BPIFB6: variants seen among roughly 807,000 people sequenced by gnomAD.
BPIFB6 encodes the protein BPI fold containing family B member 6.
Under a neutral mutation model 54.7 loss-of-function variants are expected in BPIFB6, and 47 were observed. The observed-to-expected ratio is 0.86, with a 90% CI of 0.68 to 1.10. The LOEUF (loss-of-function observed/expected upper bound fraction) is 1.10, where lower values mean the gene tolerates loss of function less well. Ranked by LOEUF, BPIFB6 falls within the 50% of genes least tolerant of loss-of-function variation. The pLI is 0.00. For missense variants in BPIFB6, 603 were observed against 564.1 expected, an observed-to-expected ratio of 1.07 and a Z score of -0.70; for synonymous variants, 255 against 225.9, an observed-to-expected ratio of 1.13 and a Z score of -1.16.
In BPIFB6 at chr20:33,035,689, C is replaced by T. The variant is rs376718130; in HGVS notation, c.577+17C>T. ...ACCTCAGTGGTGAGTGTAGCCCTAC[C>T]CACACCTTGCCCCTACCTAGGGATA... On this transcript the variant is annotated intron_variant, in intron 6 of 14. Transcript: ENST00000349552. The T allele has an allele frequency of 1.5e-5, 24 of 1,610,378 alleles. No individual in the cohort carries two copies. In the African/African-American group the frequency reaches 2.8e-4, roughly 19 times the overall value.
In BPIFB6 at chr20:33,044,010, G is replaced by C. The variant is rs1463390546; in HGVS notation, c.1330-5G>C. The C allele has an allele frequency of 6.2e-7, 1 of 1,613,986 alleles. No individual in the cohort carries two copies. Among genetic ancestry groups the C allele is most frequent in the African/African-American group, 1.3e-5 (1 of 74,904 alleles). Reference sequence around the variant, plus strand: ...TTGCTCTCCTACCCCTTTGCCTTTTGCCAGAATGCCCTGATGCTGGACTTG... The same window carrying C: ...TTGCTCTCCTACCCCTTTGCCTTTTCCCAGAATGCCCTGATGCTGGACTTG... On this transcript the variant is annotated splice_polypyrimidine_tract_variant and splice_region_variant and intron_variant, in intron 14 of 14. Coordinates refer to ENST00000349552, the MANE Select transcript of BPIFB6 (RefSeq NM_174897.2).
chr20:33,038,155 T>A lies in BPIFB6; in HGVS notation c.846+417T>A, dbSNP rs564420436. Among the ~76,000 whole-genome samples, 18 of 152,280 alleles carry A rather than the reference T, an allele frequency of 1.2e-4. No homozygotes were observed. The East Asian group carries it at 3.5e-3, about 29-fold the overall frequency. On this transcript the variant is annotated intron_variant, in intron 8 of 14. Transcript: ENST00000349552. ...TACTACAAAGTCTGATACTGTTGAATGAATGAATGTATGCACCTGCCATGT... is the reference window on the plus strand; with the variant it reads ...TACTACAAAGTCTGATACTGTTGAAAGAATGAATGTATGCACCTGCCATGT...
chr20:33,037,817 A>T, intron 8 of BPIFB6, 79 bp downstream of exon 8: 1 of 1,516,940 alleles, frequency 6.6e-7, no homozygotes, highest in South Asian at 1.2e-5. Context: ...TATCATGAAA[A>T]TTATCCTGGC....
At chr20:33,042,966 CACTGGGCCCAG>C in intron 13 of BPIFB6, 88 bp downstream of exon 13, 2 of 1,224,414 alleles carry the variant, frequency 1.6e-6, no homozygotes, top group Non-Finnish European at 2.4e-6. Context: ...AAAGCCCTAT[CACTGGGCCCAG>C]ATGGGGGAAG....
intron 12 of BPIFB6, 65 bp downstream of exon 12, chr20:33,042,080 A>C: frequency 2.0e-6 from 3 of 1,510,838 alleles, no homozygotes; most frequent in Non-Finnish European, 2.8e-6. Context: ...TCTCCCTCGG[A>C]ACTACAGGGC....
At chr20:33,041,142 A>C (rs1979568405) in intron 11 of BPIFB6, among the ~76,000 whole-genome samples, 1 of 151,994 alleles carries the variant, frequency 6.6e-6, no homozygotes, top group Non-Finnish European at 1.5e-5. Context: ...GGCGCCCGCC[A>C]CCACGCCTGG....
intron 9 of BPIFB6, 36 bp downstream of exon 9, chr20:33,038,998 G>A: frequency 6.2e-7 from 1 of 1,607,830 alleles, no homozygotes; most frequent in Non-Finnish European, 8.5e-7. Flanking sequence ...ACTGCACCCT[G>A]TCCTGCCCTA....
intron 2 of BPIFB6, chr20:33,033,410 A>G (rs1482711674): frequency 2.1e-6 from 1 of 469,030 alleles, no homozygotes; most frequent in Non-Finnish European, 4.3e-6. Flanking sequence ...AACATCCTCA[A>G]ATGGTAGAGC....
At position 33,042,001 on chromosome 20, in the gene BPIFB6, A is replaced by AT. The variant is rs1314079374; in HGVS notation, c.1176dup (p.Gly393TrpfsTer5). ...GAGCTTGTCCCGGAAGTCCTCATCG[A>AT]TTGGCAACTTCAATGTAAGTGTCCC... On this transcript the variant is annotated frameshift_variant, in exon 12 of 15. Transcript: ENST00000349552. LOFTEE classifies it high-confidence loss of function. 1.2e-6 allele frequency: 2 copies of AT among 1,614,036 alleles called. No homozygotes were observed. Among genetic ancestry groups the AT allele is most frequent in the Non-Finnish European group, 1.7e-6 (2 of 1,179,954 alleles).
rs776532324 is a variant in BPIFB6, at chr20:33,040,258, A to G, written c.1082A>G (p.Asn361Ser). The change falls in exon 11 of 15, where the codon AAT (asparagine) becomes AGT (serine). Residue 361 changes from asparagine (N) to serine (S), a missense_variant. Physicochemically the swap from Asn to Ser is conservative, Grantham distance 46. Transcript: ENST00000349552. ...TCCTCCCCACCATGCCAGCACTTCA[A>G]TCTGAAGGTCCAGTACTCAGTGCAT... ...MSLFLLEVHF[N>S]LKVQYSVHEN... 7.4e-6 allele frequency: 12 copies of G among 1,614,098 alleles called. No individual in the cohort carries two copies. Among genetic ancestry groups the G allele is most frequent in the Non-Finnish European group, 1.0e-5 (12 of 1,179,996 alleles).
At chr20:33,042,045 G>A (rs201838034) in intron 12 of BPIFB6, 30 bp downstream of exon 12, 97 of 1,605,134 alleles carry the variant, frequency 6.0e-5, no homozygotes, top group East Asian at 2.2e-4. Flanking sequence ...TTGCCTGTCC[G>A]GCGTGAGGAC....
chr20:33,032,238 C>G (rs1157511490), intron 1 of BPIFB6, among the ~76,000 whole-genome samples: 1 of 152,180 alleles, frequency 6.6e-6, no homozygotes, highest in African/African-American at 2.4e-5. Context: ...CCACCTCCAT[C>G]CCCCACTCCA....
rs374096944 is a variant in BPIFB6, at chr20:33,041,959, C to T, written c.1143-11C>T. On this transcript the variant is annotated splice_polypyrimidine_tract_variant and intron_variant, in intron 11 of 14. Coordinates refer to ENST00000349552, the MANE Select transcript of BPIFB6 (RefSeq NM_174897.2). Reference sequence around the variant, plus strand: ...CCTCCCCGCCTGGCTTGCTTCCCCACTCCCCCACAGATTACTGAGCTTGTC... The same window carrying T: ...CCTCCCCGCCTGGCTTGCTTCCCCATTCCCCCACAGATTACTGAGCTTGTC... The T allele has an allele frequency of 5.6e-5, 90 of 1,613,914 alleles. 1 individual carries two copies. In the South Asian group the frequency reaches 6.7e-4, roughly 12 times the overall value.
chr20:33,035,066 C>T lies in BPIFB6; in HGVS notation c.453-15C>T. On this transcript the variant is annotated splice_polypyrimidine_tract_variant and intron_variant, in intron 4 of 14. Transcript: ENST00000349552. The stretch of plus-strand genomic sequence containing the variant: ...TGCACCTGCCCACCTATCCTCGGTG[C>T]CTGTGTCCATCTAGCATGCTCCCCA... 1 of 1,613,826 alleles carries T rather than the reference C, an allele frequency of 6.2e-7. No individual in the cohort carries two copies. Among genetic ancestry groups the T allele is most frequent in the Non-Finnish European group, 8.5e-7 (1 of 1,179,946 alleles).
Position 33,034,186 on chromosome 20 carries a change from T to G in BPIFB6, c.198T>G (p.Asn66Lys). 6.2e-7 allele frequency: 1 copy of G among 1,613,006 alleles called. No individual in the cohort carries two copies. The highest frequency in any genetic ancestry group is 2.2e-5 in the East Asian group (1 of 44,872). ...GGTGTGGCTGCCTGTCCCTTCCCAG[T>G]TTGAAGGTGAAGGATGTCCAGCTGC... ...PGMKPIKGIT[N>K]LKVKDVQLPV... Residue 66 changes from asparagine (N) to lysine (K), a missense_variant and splice_region_variant, in exon 3 of 15, where the codon AAT becomes AAG. By Grantham distance (94) the Asn-to-Lys change is moderately conservative. Coordinates refer to ENST00000349552, the MANE Select transcript of BPIFB6 (RefSeq NM_174897.2).
At position 33,042,851 on chromosome 20, in the gene BPIFB6, G is replaced by A. The variant is rs779003259; in HGVS notation, c.1225G>A (p.Glu409Lys). 2.0e-5 allele frequency: 32 copies of A among 1,613,998 alleles called. No individual in the cohort carries two copies. Among genetic ancestry groups the A allele is most frequent in the African/African-American group, 5.3e-5 (4 of 74,916 alleles). Reference protein sequence around the residue: ...ELTGFITSYLEEAYIPVVNDV... With the variant: ...ELTGFITSYLKEAYIPVVNDV... ...AACTGGCTTCATCACCAGCTATCTC[G>A]AAGAAGCCTACATCCCAGTTGTCAA... The change falls in exon 13 of 15, where the codon GAA (glutamate) becomes AAA (lysine). Residue 409 changes from glutamate (E) to lysine (K), a missense_variant. Glu to Lys is a moderately conservative substitution (Grantham distance 56, BLOSUM62 1). Transcript: ENST00000349552.
At position 33,040,246 on chromosome 20, in the gene BPIFB6, G is replaced by A. The variant is rs376774295; in HGVS notation, c.1075-5G>A. 1.4e-5 allele frequency: 23 copies of A among 1,613,830 alleles called. No individual in the cohort carries two copies. In the African/African-American group the frequency reaches 2.0e-4, roughly 14 times the overall value. On this transcript the variant is annotated splice_polypyrimidine_tract_variant and splice_region_variant and intron_variant, in intron 10 of 14. Transcript: ENST00000349552. The stretch of plus-strand genomic sequence containing the variant: ...CTTCTCCCTGCTTCCTCCCCACCAT[G>A]CCAGCACTTCAATCTGAAGGTCCAG...
In BPIFB6 at chr20:33,033,706, C is replaced by G. The variant is rs1352946241; in HGVS notation, c.198-480C>G. ...CTCCAAGAAGACATTTGGCAATGTC[C>G]AGGGACATTTTTCATTGTCACAAGT... On this transcript the variant is annotated intron_variant, in intron 2 of 14. Transcript: ENST00000349552. The G allele has an allele frequency of 4.4e-6, 2 of 450,244 alleles. 1 individual carries two copies. Among genetic ancestry groups the G allele is most frequent in the African/African-American group, 4.0e-5 (2 of 49,998 alleles). The allele number at this position is 450,244 out of a possible 1,614,324, so 27.9% of individuals were successfully genotyped here.
intron 1 of BPIFB6, 61 bp downstream of exon 1, chr20:33,031,805 T>A (rs1416443747): frequency 7.2e-7 from 1 of 1,388,150 alleles, no homozygotes; most frequent in African/African-American, 1.4e-5. Flanking sequence ...AGGTGGTAGG[T>A]AGTCACTGCT....
Sources: gnomAD v4.1 joint callset for allele counts (sites outside exome capture counted in the v4.1 genomes callset) on GRCh38, gnomAD v4.1.1 for gene constraint, MANE v1.5 for transcripts, NCBI Gene and HGNC (gene_info 2026-07-23, HGNC 2026-07-21) for gene names.